The following STX6 variants were observed in gnomAD, a reference collection of about 807,000 sequenced individuals.
STX6 encodes syntaxin 6, also known as syntaxin-6.
Under a neutral mutation model 38.0 loss-of-function variants are expected in STX6, and 23 were observed. The ratio of observed to expected loss-of-function variants is 0.60; its 90% confidence interval spans 0.43 to 0.86. STX6 has a LOEUF of 0.86. Ranked by LOEUF, STX6 falls within the 40% of genes least tolerant of loss-of-function variation. The pLI, the probability that STX6 is intolerant of heterozygous loss-of-function variation, is 0.00. For synonymous variants in STX6, 123 were observed against 107.5 expected (o/e 1.14, Z -0.89); for missense variants, 274 against 312.9 (o/e 0.88, Z 0.94).
chr1:180,984,170 C>G lies in STX6; in HGVS notation c.691+507G>C, dbSNP rs1280972744. Among the ~76,000 whole-genome samples the G allele has an allele frequency of 4.7e-5, 7 of 148,586 alleles. No individual in the cohort carries two copies. The Admixed American group carries it at 4.7e-4, about 10-fold the overall frequency. On this transcript the variant is annotated intron_variant, in intron 7 of 7. Transcript: ENST00000258301. Reference sequence around the variant, plus strand: ...AGCCTTAACTTTTCCCAAGTTAAAGCTACAAGGAGAAGATAAAGACTGCAC... The same window carrying G: ...AGCCTTAACTTTTCCCAAGTTAAAGGTACAAGGAGAAGATAAAGACTGCAC...
intron 3 of STX6, among the ~76,000 whole-genome samples, chr1:180,994,377 T>C (rs1655840941): frequency 6.6e-6 from 1 of 152,182 alleles, no homozygotes; most frequent in African/African-American, 2.4e-5. Flanking sequence ...TTCAAACCAC[T>C]CATCTATCCA....
intron 2 of STX6, among the ~76,000 whole-genome samples, chr1:181,003,999 C>T (rs895870477): frequency 9.2e-5 from 14 of 152,174 alleles, no homozygotes; most frequent in African/African-American, 3.1e-4. Context: ...CTCTAATTAC[C>T]GAAGTGTAAC....
intron 3 of STX6, among the ~76,000 whole-genome samples, chr1:181,000,086 G>C (rs1656033512): frequency 6.6e-6 from 1 of 152,196 alleles, no homozygotes; most frequent in African/African-American, 2.4e-5. Context: ...GTTAGGTACT[G>C]TTAGCCTACC....
rs145507671 is a variant in STX6, at chr1:180,988,340, G to C, written c.495C>G (p.Ile165Met). 1.4e-5 allele frequency: 23 copies of C among 1,612,776 alleles called. No individual in the cohort carries two copies. The highest frequency in any genetic ancestry group is 1.1e-5 in the South Asian group (1 of 91,054). The change falls in exon 6 of 8, where the codon ATC becomes ATG. Residue 165 changes from isoleucine to methionine, a missense_variant. Ile to Met is a conservative substitution (Grantham distance 10). Transcript: ENST00000258301. ...CCAACTGCTCATCCTGCTGTTCCACGATCAACTGGTGCCAGAGAAATGGGA... is the reference window on the plus strand; with the variant it reads ...CCAACTGCTCATCCTGCTGTTCCACCATCAACTGGTGCCAGAGAAATGGGA... ...IEEQQAQQQL[I>M]VEQQDEQLEL...
intron 1 of STX6, among the ~76,000 whole-genome samples, chr1:181,018,171 G>A (rs903046761): frequency 6.6e-6 from 1 of 152,002 alleles, no homozygotes; most frequent in Middle Eastern, 3.4e-3. Flanking sequence ...GATCACCTGA[G>A]GTCAAAGTTC....
In STX6 at chr1:180,990,002, C is replaced by T. The variant is rs762251902; in HGVS notation, c.471G>A (p.Glu157=). Residue 157 remains glutamate (E), a synonymous_variant, in exon 5 of 8, where the codon GAG becomes GAA. Coordinates refer to ENST00000258301, the MANE Select transcript of STX6 (RefSeq NM_005819.6). ...LQRANSHFIE[E]QQAQQQLIVE... ...GGGGTACCTGCTGCTGTGCCTGCTG[C>T]TCCTCAATGAAATGAGAATTGGCTC... is the stretch of plus-strand genomic sequence containing the variant. 2 of 1,613,916 alleles carry T rather than the reference C, an allele frequency of 1.2e-6. No homozygotes were observed. Among genetic ancestry groups the T allele is most frequent in the Non-Finnish European group, 1.7e-6 (2 of 1,180,012 alleles).
In STX6 at chr1:180,998,381, C is replaced by CT. The variant is rs369173411; in HGVS notation, c.300+4224dup. On this transcript the variant is annotated intron_variant, in intron 3 of 7. Transcript: ENST00000258301. Reference sequence around the variant, plus strand: ...ATCTAAGGATCTATGGCTTTCACTTCTTTTTTTTTTCTTTTTTCTTTTGAG... The same window carrying CT: ...ATCTAAGGATCTATGGCTTTCACTTCTTTTTTTTTTTCTTTTTTCTTTTGAG... Among the ~76,000 whole-genome samples the CT allele has an allele frequency of 5.3e-3, 798 of 149,642 alleles. 14 individuals carry two copies. Among genetic ancestry groups the CT allele is most frequent in the African/African-American group, 0.018 (730 of 40,852 alleles).
intron 1 of STX6, among the ~76,000 whole-genome samples, chr1:181,021,731 A>C (rs1232489902): frequency 6.6e-6 from 1 of 152,222 alleles, no homozygotes; most frequent in Non-Finnish European, 1.5e-5. Flanking sequence ...GATATTACAA[A>C]GTGCAGTTGA....
chr1:180,978,676 G>A (rs548896311), intron 7 of STX6, among the ~76,000 whole-genome samples: 78 of 152,270 alleles, frequency 5.1e-4, no homozygotes, highest in African/African-American at 1.8e-3. Context: ...CTAACCTGGG[G>A]GAAGGAAAAT....
chr1:180,988,383 C>A, intron 5 of STX6, 38 bp from the exon 6 acceptor site: 2 of 1,531,644 alleles, frequency 1.3e-6, no homozygotes, highest in Non-Finnish European at 1.8e-6. Flanking sequence ...AATTAAAATC[C>A]ATCTTACCTG....
At chr1:181,013,431 G>A (rs1475518930) in intron 1 of STX6, among the ~76,000 whole-genome samples, 2 of 152,110 alleles carry the variant, frequency 1.3e-5, no homozygotes, top group South Asian at 2.1e-4. Context: ...GGATTCTTCC[G>A]TCTCAGCCTC....
At chr1:181,016,210 G>A (rs1656551381) in intron 1 of STX6, among the ~76,000 whole-genome samples, 1 of 142,852 alleles carries the variant, frequency 7.0e-6, no homozygotes, top group Admixed American at 7.1e-5. Context: ...CAGTTGGCAG[G>A]TCTTCTTCCC....
At chr1:181,007,312 G>A (rs980838627) in intron 1 of STX6, among the ~76,000 whole-genome samples, 1 of 151,582 alleles carries the variant, frequency 6.6e-6, no homozygotes, top group Non-Finnish European at 1.5e-5. Flanking sequence ...ATACTGTATT[G>A]TTTAGGGAAC....
At chr1:181,014,103 AAT>A (rs1316508912) in intron 1 of STX6, among the ~76,000 whole-genome samples, 1 of 152,204 alleles carries the variant, frequency 6.6e-6, no homozygotes, top group Non-Finnish European at 1.5e-5. Context: ...TTCACAATTT[AAT>A]AAAAACAAAC....
rs774251741 is a variant in STX6 at position 180,984,782 on chromosome 1, G to A, written c.597-11C>T. 2 of 1,393,120 alleles carry A rather than the reference G, an allele frequency of 1.4e-6. No homozygotes were observed. Among genetic ancestry groups the A allele is most frequent in the East Asian group, 4.6e-5 (2 of 43,560 alleles). The allele number at this position is 1,393,120 out of a possible 1,614,324, so 86.3% of individuals were successfully genotyped here. On this transcript the variant is annotated splice_polypyrimidine_tract_variant and intron_variant, in intron 6 of 7. Coordinates refer to ENST00000258301, the MANE Select transcript of STX6 (RefSeq NM_005819.6). ...AAATCTTCCAACATACTAGAGAGAA[G>A]CAGACACAGAAGGTCGCTGGTAAGC...
intron 7 of STX6, among the ~76,000 whole-genome samples, chr1:180,982,274 G>A (rs551336608): frequency 4.6e-5 from 7 of 152,104 alleles, no homozygotes; most frequent in African/African-American, 9.7e-5. Context: ...GAGCAGAGAC[G>A]AATACAAATT....
intron 7 of STX6, among the ~76,000 whole-genome samples, chr1:180,983,791 G>A (rs372154306): frequency 3.9e-5 from 6 of 152,008 alleles, no homozygotes; most frequent in Non-Finnish European, 5.9e-5. Flanking sequence ...TGGGCTGGGC[G>A]CGGTGGCTCA....
chr1:180,983,999 G>C (rs986115353), intron 7 of STX6, among the ~76,000 whole-genome samples: 5 of 140,892 alleles, frequency 3.5e-5, no homozygotes, highest in African/African-American at 1.4e-4. Flanking sequence ...GGGAGGTAGA[G>C]CTTGCAGTGA....
intron 7 of STX6, among the ~76,000 whole-genome samples, chr1:180,982,998 C>A (rs371384350): frequency 1.3e-5 from 2 of 152,178 alleles, no homozygotes; most frequent in Non-Finnish European, 2.9e-5. Flanking sequence ...AGGTCCATTG[C>A]GCCTTGGGGC....
Sources: allele counts gnomAD v4.1 joint callset (sites outside exome capture counted in the v4.1 genomes callset), GRCh38; gene constraint gnomAD v4.1.1; transcripts MANE v1.5; gene names NCBI Gene and HGNC (gene_info 2026-07-23, HGNC 2026-07-21).